Variants in ARGLU1 observed in about 807,000 individuals in gnomAD.
ARGLU1 encodes the protein arginine and glutamate-rich protein 1.
A neutral mutation model predicts 37.6 loss-of-function variants in ARGLU1; 9 were observed. The observed-to-expected ratio is 0.24, with a 90% CI of 0.14 to 0.42. The LOEUF is 0.42. Among genes scored for constraint, ARGLU1 ranks in the 10% least tolerant of loss-of-function variants. The probability of loss-of-function intolerance (pLI) is 1.00; values close to 1 mark genes in which losing one functional copy is unlikely to be tolerated. For missense variants in ARGLU1, 211 were observed against 359.2 expected (o/e 0.59, Z 3.34); for synonymous variants, 166 against 138.5 (o/e 1.20, Z -1.39).
At chr13:106,554,330 G>A (rs1020575566) in intron 3 of ARGLU1, among the ~76,000 whole-genome samples, 3 of 152,146 alleles carry the variant, frequency 2.0e-5, no homozygotes, top group Non-Finnish European at 2.9e-5. Context: ...CTAGAGGCCA[G>A]AATGCTTCTC....
chr13:106,567,125 G>A lies in ARGLU1; in HGVS notation c.347+448C>T, dbSNP rs1880989501. On this transcript the variant is annotated intron_variant, in intron 1 of 3. Coordinates refer to ENST00000400198, the MANE Select transcript of ARGLU1 (RefSeq NM_018011.4). The surrounding 1 kb of genome is among the most constrained non-coding windows in gnomAD (Gnocchi z 4.3). ...TTTGAGCTTCAATAGAATGCTTCTG[G>A]CCAGCTGTGATTCGCATCTCAAAGG... Among the ~76,000 whole-genome samples, 1 of 151,932 alleles carries A rather than the reference G, an allele frequency of 6.6e-6. No homozygotes were observed. Among genetic ancestry groups the A allele is most frequent in the Admixed American group, 6.5e-5 (1 of 15,268 alleles).
At chr13:106,549,915 C>T (rs1281264416) in intron 3 of ARGLU1, among the ~76,000 whole-genome samples, 1 of 152,094 alleles carries the variant, frequency 6.6e-6, no homozygotes, top group Non-Finnish European at 1.5e-5. Flanking sequence ...ATAATTTTGC[C>T]AAGGAAAATC....
In ARGLU1 at chr13:106,542,438, C is replaced by T. The variant is rs1230330648; in HGVS notation, c.*1558G>A. ...GTAGTATGTTTACTAAAAGTTCTCACTATATTTCATGCCTATTTAAAATTC... is the reference window on the plus strand; with the variant it reads ...GTAGTATGTTTACTAAAAGTTCTCATTATATTTCATGCCTATTTAAAATTC... On this transcript the variant is annotated 3_prime_UTR_variant, in exon 4 of 4. Coordinates refer to ENST00000400198, the MANE Select transcript of ARGLU1 (RefSeq NM_018011.4). 1 of 152,034 alleles carries T rather than the reference C, an allele frequency of 6.6e-6. No individual in the cohort carries two copies. The highest frequency in any genetic ancestry group is 1.5e-5 in the Non-Finnish European group (1 of 67,972). 9.4% of individuals were successfully genotyped at this position (152,034 alleles called of 1,614,324 possible). A position where few individuals can be genotyped will look rare whatever the true frequency, so the allele number is the denominator to read the frequency against.
intron 3 of ARGLU1, among the ~76,000 whole-genome samples, chr13:106,545,119 G>A (rs1319272223): frequency 6.6e-6 from 1 of 152,138 alleles, no homozygotes; most frequent in East Asian, 1.9e-4. Flanking sequence ...AGATGATTCT[G>A]GCTGCCACAA....
chr13:106,556,978 A>G (rs1034575542), intron 3 of ARGLU1, 70 bp downstream of exon 3: 3 of 1,377,134 alleles, frequency 2.2e-6, no homozygotes, highest in East Asian at 4.6e-5. Context: ...CACAAAAATC[A>G]ATCCACAAAA....
chr13:106,552,032 A>G (rs557220780), intron 3 of ARGLU1, among the ~76,000 whole-genome samples: 15 of 152,334 alleles, frequency 9.8e-5, no homozygotes, highest in Non-Finnish European at 7.4e-5. Context: ...ATTGTTTTTC[A>G]TGGAGAGAGG....
intron 2 of ARGLU1, 176 bp downstream of exon 2, chr13:106,559,255 AT>A (rs1298179386): frequency 7.8e-6 from 12 of 1,532,924 alleles, no homozygotes; most frequent in Non-Finnish European, 1.0e-5. Flanking sequence ...CTTTTAAGTT[AT>A]CAGTCAGCAC....
Position 106,542,591 on chromosome 13 carries a change from ATC to A in ARGLU1, c.*1403_*1404del, listed in dbSNP as rs1323365517. 6.6e-6 allele frequency: 1 copy of A among 152,122 alleles called. No individual in the cohort carries two copies. Among genetic ancestry groups the A allele is most frequent in the Non-Finnish European group, 1.5e-5 (1 of 67,966 alleles). 9.4% of individuals were successfully genotyped at this position (152,122 alleles called of 1,614,324 possible). ...ACACAAAATAATCTACCATTTAGTC[ATC>A]TCTTTAGCTTATGTTTTCAATTTTT... On this transcript the variant is annotated 3_prime_UTR_variant, in exon 4 of 4. Transcript: ENST00000400198.
In ARGLU1 at chr13:106,557,976, C is replaced by G. The variant is rs1167820724; in HGVS notation, c.574-845G>C. On this transcript the variant is annotated intron_variant, in intron 2 of 3. Coordinates refer to ENST00000400198, the MANE Select transcript of ARGLU1 (RefSeq NM_018011.4). The surrounding 1 kb of genome is among the most constrained non-coding windows in gnomAD (Gnocchi z 5.0). ...ATGGTCAGGAAATAAAATTCTTCAACTTATTTTTTCTTGGAGAATTTAATG... is the reference window on the plus strand; with the variant it reads ...ATGGTCAGGAAATAAAATTCTTCAAGTTATTTTTTCTTGGAGAATTTAATG... 2.2e-5 allele frequency: 22 copies of G among 985,220 alleles called. No homozygotes were observed. The highest frequency in any genetic ancestry group is 2.2e-5 in the Non-Finnish European group (18 of 829,914). The allele number at this position is 985,220 out of a possible 1,614,324, so 61.0% of individuals were successfully genotyped here.
intron 2 of ARGLU1, chr13:106,558,174 C>CT: frequency 6.1e-6 from 6 of 985,078 alleles, no homozygotes; most frequent in Non-Finnish European, 7.2e-6. Flanking sequence ...AGAAAAAAAT[C>CT]TTACTATGAT....
chr13:106,557,716 A>G lies in ARGLU1; in HGVS notation c.574-585T>C, dbSNP rs554512564. ...CAAGGAAGGCTGAGCTGAGGAATGCAGATGTTTATGGTAAGAAGGAACAAA... is the reference window on the plus strand; with the variant it reads ...CAAGGAAGGCTGAGCTGAGGAATGCGGATGTTTATGGTAAGAAGGAACAAA... On this transcript the variant is annotated intron_variant, in intron 2 of 3. Coordinates refer to ENST00000400198, the MANE Select transcript of ARGLU1 (RefSeq NM_018011.4). This position sits in a 1 kb window ranked among gnomAD's most constrained non-coding sequence, Gnocchi z 5.0. The G allele has an allele frequency of 1.1e-5, 15 of 1,425,530 alleles. No individual in the cohort carries two copies. The highest frequency in any genetic ancestry group is 1.3e-5 in the Non-Finnish European group (14 of 1,076,348). 88.3% of individuals were successfully genotyped at this position (1,425,530 alleles called of 1,614,324 possible).
chr13:106,559,327 T>TA (rs1880735881), intron 2 of ARGLU1, 105 bp downstream of exon 2: 3 of 1,556,656 alleles, frequency 1.9e-6, no homozygotes, highest in East Asian at 2.4e-5. Context: ...AGAAAGGAAT[T>TA]AGATAGTCTG....
At chr13:106,559,736 A>G (rs1027896244) in intron 1 of ARGLU1, 79 bp from the exon 2 acceptor site, 1 of 1,446,478 alleles carries the variant, frequency 6.9e-7, no homozygotes, top group East Asian at 2.3e-5. Flanking sequence ...TTTTAAGTCT[A>G]TCAAGCCATT....
chr13:106,554,154 A>C (rs1365117545), intron 3 of ARGLU1, among the ~76,000 whole-genome samples: 1 of 152,148 alleles, frequency 6.6e-6, no homozygotes, highest in Admixed American at 6.5e-5. Context: ...CTTACCAAAT[A>C]TTTCCATGGT....
chr13:106,566,182 A>G (rs945059229), intron 1 of ARGLU1, among the ~76,000 whole-genome samples: 2 of 152,232 alleles, frequency 1.3e-5, no homozygotes, highest in Non-Finnish European at 1.5e-5. Flanking sequence ...TGTATCACTG[A>G]CAGTTCTAAG....
At chr13:106,549,092 A>G (rs1353735873) in intron 3 of ARGLU1, among the ~76,000 whole-genome samples, 3 of 152,214 alleles carry the variant, frequency 2.0e-5, no homozygotes, top group Admixed American at 6.5e-5. Flanking sequence ...CTGATTTTAT[A>G]AAGATTACCT....
chr13:106,557,445 T>TA lies in ARGLU1; in HGVS notation c.574-315dup. On this transcript the variant is annotated intron_variant, in intron 2 of 3. Transcript: ENST00000400198. This position sits in a 1 kb window ranked among gnomAD's most constrained non-coding sequence, Gnocchi z 5.0. ...CAAAACTGGATAGTATTTACCAAAT[T>TA]AAAAAAATAATATATAAAATATAAA... 1.2e-6 allele frequency: 1 copy of TA among 835,090 alleles called. No homozygotes were observed. Among genetic ancestry groups the TA allele is most frequent in the Non-Finnish European group, 1.6e-6 (1 of 609,718 alleles). 51.7% of individuals were successfully genotyped at this position (835,090 alleles called of 1,614,324 possible). A position where few individuals can be genotyped will look rare whatever the true frequency, so the allele number is the denominator to read the frequency against.
At position 106,567,921 on chromosome 13, in the gene ARGLU1, C is replaced by T; in HGVS notation, c.-2G>A. ...GCTCCGGCTCCGAGACCGGCCCATC[C>T]TTCCGGGAGACGCTCTAACCGCTCG... On this transcript the variant is annotated 5_prime_UTR_variant, in exon 1 of 4. Coordinates refer to ENST00000400198, the MANE Select transcript of ARGLU1 (RefSeq NM_018011.4). This position sits in a 1 kb window ranked among gnomAD's most constrained non-coding sequence, Gnocchi z 4.3. 2.5e-6 allele frequency: 4 copies of T among 1,605,858 alleles called. No homozygotes were observed. The highest frequency in any genetic ancestry group is 3.4e-6 in the Non-Finnish European group (4 of 1,179,004).
At chr13:106,556,229 T>C (rs924016950) in intron 3 of ARGLU1, among the ~76,000 whole-genome samples, 9 of 152,260 alleles carry the variant, frequency 5.9e-5, no homozygotes, top group Non-Finnish European at 1.2e-4. Flanking sequence ...GGCTTTCCAA[T>C]AGATTCCATT....
Sources: gnomAD v4.1 joint callset for allele counts (sites outside exome capture counted in the v4.1 genomes callset) on GRCh38, gnomAD v4.1.1 for gene constraint, Gnocchi (gnomAD v3.1) non-coding constraint, MANE v1.5 for transcripts, NCBI Gene and HGNC (gene_info 2026-07-23, HGNC 2026-07-21) for gene names.